Variants in MDC1 observed in about 807,000 individuals in gnomAD.
The protein encoded by MDC1 is mediator of DNA damage checkpoint 1.
Under a neutral mutation model 142.5 loss-of-function variants are expected in MDC1, and 81 were observed. The ratio of observed to expected loss-of-function variants is 0.57; its 90% CI spans 0.47 to 0.68. MDC1 has a LOEUF of 0.68. MDC1 is among the 30% of genes least tolerant of loss of function. MDC1 has a pLI of 0.00. For synonymous variants in MDC1, 797 were observed against 968.4 expected, an observed-to-expected ratio of 0.82 and a Z score of 3.29; for missense variants, 2,119 against 2,547.9, an observed-to-expected ratio of 0.83 and a Z score of 3.62.
intron 14 of MDC1, among the ~76,000 whole-genome samples, chr6:30,701,133 T>C (rs1218672045): frequency 1.3e-5 from 2 of 149,660 alleles, no homozygotes; most frequent in Non-Finnish European, 3.0e-5. Flanking sequence ...CCAGGCACAG[T>C]GGCTCACGCC....
In MDC1 at chr6:30,711,876, C is replaced by T; in HGVS notation, c.2066G>A (p.Gly689Asp). The T allele has an allele frequency of 6.5e-7, 1 of 1,532,220 alleles. No homozygotes were observed. The highest frequency in any genetic ancestry group is 8.8e-7 in the Non-Finnish European group (1 of 1,140,562). 94.9% of individuals were successfully genotyped at this position (1,532,220 alleles called of 1,614,324 possible). A position where few individuals can be genotyped will look rare whatever the true frequency, so the allele number is the denominator to read the frequency against. ...GGTKDSEDNY[G>D]DSEDLDLQAT... ...TAGGAAGGAAGGCCAGCACTTACCACCATAGTTGTCTTCAGAGTCCTTGGT... is the reference window on the plus strand; with the variant it reads ...TAGGAAGGAAGGCCAGCACTTACCATCATAGTTGTCTTCAGAGTCCTTGGT... The change falls in exon 5 of 15, where the codon GGT becomes GAT. Residue 689 changes from glycine (G) to aspartate (D), a missense_variant and splice_region_variant. Transcript: ENST00000376406.
At chr6:30,701,689 A>G (rs556982373) in intron 14 of MDC1, among the ~76,000 whole-genome samples, 1 of 152,326 alleles carries the variant, frequency 6.6e-6, no homozygotes, top group Non-Finnish European at 1.5e-5. Context: ...TCCTGATTTG[A>G]ACAACTGTAT....
chr6:30,701,543 A>T (rs1772696017), intron 14 of MDC1, among the ~76,000 whole-genome samples: 1 of 152,198 alleles, frequency 6.6e-6, no homozygotes, highest in Admixed American at 6.6e-5. Context: ...CAGACTGAGG[A>T]ACATTCTAAA....
chr6:30,705,711 G>A lies in MDC1; in HGVS notation c.3472C>T (p.Pro1158Ser). Residue 1158 changes from proline (P) to serine (S), a missense_variant, in exon 10 of 15, where the codon CCT becomes TCT. Pro to Ser is a moderately conservative substitution (Grantham distance 74). Transcript: ENST00000376406. ...SRTNRSSVKT[P>S]EPVVPTAPEL... is the part of the protein sequence containing the mutation. ...GGGGCTGTGGGGACAACTGGTTCAGGGGTCTTGACAGAGGACCTATTTGTC... is the reference window on the plus strand; with the variant it reads ...GGGGCTGTGGGGACAACTGGTTCAGAGGTCTTGACAGAGGACCTATTTGTC... 1.2e-6 allele frequency: 2 copies of A among 1,613,418 alleles called. No individual in the cohort carries two copies. Among genetic ancestry groups the A allele is most frequent in the Middle Eastern group, 1.7e-4 (1 of 6,056 alleles).
Position 30,712,582 on chromosome 6 carries a change from C to T in MDC1, c.1360G>A (p.Asp454Asn). The change falls in exon 5 of 15, where the codon GAC becomes AAC. Residue 454 changes from aspartate (D) to asparagine (N), a missense_variant. Physicochemically the swap from Asp to Asn is conservative, Grantham distance 23. Transcript: ENST00000376406. This position sits in a 1 kb window ranked among gnomAD's most constrained non-coding sequence, Gnocchi z 4.7. ...AGCTCTTCCTCCTCCACGTCTGTGT[C>T]ACTGTCTCTCTCAGTGGTGGTTTGG... is the stretch of plus-strand genomic sequence containing the variant. ...RSQTTTERDS[D>N]TDVEEEELPV... 1 of 1,613,062 alleles carries T rather than the reference C, an allele frequency of 6.2e-7. No homozygotes were observed. The highest frequency in any genetic ancestry group is 8.5e-7 in the Non-Finnish European group (1 of 1,180,020).
chr6:30,703,440 T>A lies in MDC1; in HGVS notation c.5660A>T (p.Asn1887Ile). The A allele has an allele frequency of 6.2e-7, 1 of 1,614,002 alleles. No individual in the cohort carries two copies. The highest frequency in any genetic ancestry group is 8.5e-7 in the Non-Finnish European group (1 of 1,180,032). Residue 1887 changes from asparagine to isoleucine, a missense_variant, in exon 11 of 15, where the codon AAC becomes ATC. Asn to Ile is a moderately radical substitution (Grantham distance 149). Transcript: ENST00000376406. This position sits in a 1 kb window ranked among gnomAD's most constrained non-coding sequence, Gnocchi z 4.4. ...TACTTTGGGGGCTGTTGATTCTTGG[T>A]TAAGTTTGGTCCGTCGGAGGCTGCG... ...PSRSLRRTKL[N>I]QESTAPKVLF...
rs367805999 is a variant in MDC1, at chr6:30,708,088, A to G, written c.2491T>C (p.Leu831=). The G allele has an allele frequency of 8.1e-6, 13 of 1,612,738 alleles. No individual in the cohort carries two copies. Among genetic ancestry groups the G allele is most frequent in the Admixed American group, 1.7e-5 (1 of 59,982 alleles). The part of the protein sequence containing the change: ...AERVGPERGP[L]ERETEKLLPE... The stretch of plus-strand genomic sequence containing the variant: ...AGCAGTTTCTCAGTTTCTCTCTCCA[A>G]TGGCCCTCTCTCAGGGCCCACCCTC... The change falls in exon 8 of 15, where the codon TTG becomes CTG. Residue 831 remains leucine (L), a synonymous_variant. Transcript: ENST00000376406.
Position 30,706,115 on chromosome 6 carries a change from G to GC in MDC1, c.3085-18dup. The GC allele has an allele frequency of 6.5e-7, 1 of 1,537,468 alleles. No individual in the cohort carries two copies. The highest frequency in any genetic ancestry group is 8.7e-7 in the Non-Finnish European group (1 of 1,150,250). Reference sequence around the variant, plus strand: ...CTGATCGCCCTAGGGAGAAACAGAAGCAAGTGAGGGGGAGGAGGTGGAGAA... The same window carrying GC: ...CTGATCGCCCTAGGGAGAAACAGAAGCCAAGTGAGGGGGAGGAGGTGGAGAA... On this transcript the variant is annotated splice_polypyrimidine_tract_variant and intron_variant, in intron 9 of 14. Transcript: ENST00000376406.
chr6:30,708,081 C>G lies in MDC1; in HGVS notation c.2498G>C (p.Arg833Thr). ...TTCTGGTAGCAGTTTCTCAGTTTCT[C>G]TCTCCAATGGCCCTCTCTCAGGGCC... The part of the protein sequence containing the change: ...RVGPERGPLE[R>T]ETEKLLPERQ... Residue 833 changes from arginine to threonine, a missense_variant, in exon 8 of 15, where the codon AGA becomes ACA. Physicochemically the swap from Arg to Thr is moderately conservative, Grantham distance 71. Transcript: ENST00000376406. 2 of 1,613,110 alleles carry G rather than the reference C, an allele frequency of 1.2e-6. No homozygotes were observed. The highest frequency in any genetic ancestry group is 2.2e-5 in the South Asian group (2 of 91,086).
chr6:30,701,138 C>T (rs1772603238), intron 14 of MDC1, among the ~76,000 whole-genome samples: 1 of 150,306 alleles, frequency 6.7e-6, no homozygotes, highest in East Asian at 2.0e-4. Flanking sequence ...CACAGTGGCT[C>T]ACGCCTATAA....
At position 30,711,867 on chromosome 6, in the gene MDC1, C is replaced by T; in HGVS notation, c.2068+7G>A. The T allele has an allele frequency of 6.5e-7, 1 of 1,536,032 alleles. No individual in the cohort carries two copies. Among genetic ancestry groups the T allele is most frequent in the Non-Finnish European group, 8.8e-7 (1 of 1,141,946 alleles). ...TCAGAGGTCTAGGAAGGAAGGCCAG[C>T]ACTTACCACCATAGTTGTCTTCAGA... is the stretch of plus-strand genomic sequence containing the variant. On this transcript the variant is annotated splice_region_variant and intron_variant, in intron 5 of 14. Transcript: ENST00000376406.
chr6:30,707,572 G>A lies in MDC1; in HGVS notation c.3007C>T (p.Gln1003Ter). The A allele has an allele frequency of 6.2e-7, 1 of 1,612,060 alleles. No individual in the cohort carries two copies. The highest frequency in any genetic ancestry group is 8.5e-7 in the Non-Finnish European group (1 of 1,179,244). ...CCCCTCTGCCTTCACTTACCTTTCT[G>A]ATGCCTCCTGGGGCTCACTGGGGAT... The part of the protein sequence containing the change: ...RGSPVSPRRH[Q>*]KGLLNCKMPP... The change falls in exon 8 of 15, where the codon CAG becomes TAG. Residue 1003 changes from glutamine (Q) to a stop codon, truncating the protein, a stop_gained. Coordinates refer to ENST00000376406, the MANE Select transcript of MDC1 (RefSeq NM_014641.3). LOFTEE classifies it high-confidence loss of function.
In MDC1 at chr6:30,713,572, CTT is replaced by C; in HGVS notation, c.587+74_587+75del. ...GCCCCAACTCTCATGATAATCATCT[CTT>C]TTAGAGATTGATCCTCCAGCCCCTG... On this transcript the variant is annotated intron_variant, in intron 4 of 14. Transcript: ENST00000376406. This position sits in a 1 kb window ranked among gnomAD's most constrained non-coding sequence, Gnocchi z 4.9. 6.8e-7 allele frequency: 1 copy of C among 1,468,772 alleles called. No individual in the cohort carries two copies. Among genetic ancestry groups the C allele is most frequent in the South Asian group, 1.2e-5 (1 of 82,918 alleles). The allele number at this position is 1,468,772 out of a possible 1,614,324, so 91.0% of individuals were successfully genotyped here.
Position 30,704,919 on chromosome 6 carries a change from G to T in MDC1, c.4264C>A (p.Gln1422Lys). 2 of 1,605,606 alleles carry T rather than the reference G, an allele frequency of 1.2e-6. No individual in the cohort carries two copies. Among genetic ancestry groups the T allele is most frequent in the East Asian group, 2.3e-5 (1 of 44,368 alleles). Residue 1422 changes from glutamine to lysine, a missense_variant, in exon 10 of 15, where the codon CAA becomes AAA. Transcript: ENST00000376406. ...PKLEPSTSTD[Q>K]PVTPEPTSQA... ...GATGTGGGCTCAGGAGTGACAGGTTGGTCTGTGGAAGTGGAAGGCTCGAGC... is the reference window on the plus strand; with the variant it reads ...GATGTGGGCTCAGGAGTGACAGGTTTGTCTGTGGAAGTGGAAGGCTCGAGC...
At position 30,707,670 on chromosome 6, in the gene MDC1, C is replaced by G; in HGVS notation, c.2909G>C (p.Gly970Ala). 5 of 1,613,072 alleles carry G rather than the reference C, an allele frequency of 3.1e-6. No individual in the cohort carries two copies. Among genetic ancestry groups the G allele is most frequent in the Non-Finnish European group, 4.2e-6 (5 of 1,180,036 alleles). Residue 970 changes from glycine to alanine, a missense_variant, in exon 8 of 15, where the codon GGG (glycine) becomes GCG (alanine). Physicochemically the swap from Gly to Ala is moderately conservative, Grantham distance 60 (BLOSUM62 0). Transcript: ENST00000376406. The stretch of plus-strand genomic sequence containing the variant: ...TCCCGGAAGGTCCCCCGCCCCCACC[C>G]CAGGCTCTGGTGTTGGGCTGGAGGC... ...GQASSPTPEPGVGAGDLPGPT... is the reference protein window; with the variant it reads ...GQASSPTPEPAVGAGDLPGPT...
chr6:30,700,952 C>T (rs1581514885), intron 14 of MDC1, among the ~76,000 whole-genome samples: 1 of 148,922 alleles, frequency 6.7e-6, no homozygotes, highest in Non-Finnish European at 1.5e-5. Context: ...GGGTGCCTGT[C>T]GTCCCAGCTA....
At position 30,712,877 on chromosome 6, in the gene MDC1, T is replaced by A; in HGVS notation, c.1065A>T (p.Gly355=). 2 of 1,613,056 alleles carry A rather than the reference T, an allele frequency of 1.2e-6. No homozygotes were observed. Among genetic ancestry groups the A allele is most frequent in the African/African-American group, 2.7e-5 (2 of 75,058 alleles). The change falls in exon 5 of 15, where the codon GGA becomes GGT. Residue 355 remains glycine (G), a synonymous_variant. Transcript: ENST00000376406. This position sits in a 1 kb window ranked among gnomAD's most constrained non-coding sequence, Gnocchi z 4.7. The part of the protein sequence containing the change: ...IPMKKRKIFH[G]VGTRGPGAPG... ...GTGCTCCAGGACCCCTTGTACCTAC[T>A]CCATGGAAGATCTTCCTCTTCTTCA...
At chr6:30,710,080 T>C (rs1001121983) in intron 7 of MDC1, among the ~76,000 whole-genome samples, 13 of 151,832 alleles carry the variant, frequency 8.6e-5, no homozygotes, top group African/African-American at 3.1e-4. Flanking sequence ...CCAGCCTATA[T>C]ACACATTTTC....
chr6:30,707,608 C>T lies in MDC1; in HGVS notation c.2971G>A (p.Gly991Ser). The change falls in exon 8 of 15, where the codon GGT becomes AGT. Residue 991 changes from glycine to serine, a missense_variant. Transcript: ENST00000376406. Reference sequence around the variant, plus strand: ...GGGCTCACTGGGGATCCCCTTCCACCTGACTGGCTCCCAGAAGGTACGGGG... The same window carrying T: ...GGGCTCACTGGGGATCCCCTTCCACTTGACTGGCTCCCAGAAGGTACGGGG... Reference protein sequence around the residue: ...SAPVPSGSQSGGRGSPVSPRR... With the variant: ...SAPVPSGSQSSGRGSPVSPRR... 1 of 1,612,774 alleles carries T rather than the reference C, an allele frequency of 6.2e-7. No individual in the cohort carries two copies. The highest frequency in any genetic ancestry group is 1.3e-5 in the African/African-American group (1 of 75,038).
Sources: gnomAD v4.1 joint callset for allele counts (sites outside exome capture counted in the v4.1 genomes callset) on GRCh38, gnomAD v4.1.1 for gene constraint, Gnocchi (gnomAD v3.1) non-coding constraint, MANE v1.5 for transcripts, NCBI Gene and HGNC (gene_info 2026-07-23, HGNC 2026-07-21) for gene names.